The following CNBD2 variants were observed in gnomAD, a reference collection of about 807,000 sequenced individuals.
CNBD2 encodes the protein cyclic nucleotide-binding domain-containing protein 2.
A neutral mutation model predicts 63.7 loss-of-function variants in CNBD2; 64 were observed. That is an observed-to-expected ratio of 1.00 (90% CI 0.82 to 1.24). The LOEUF (loss-of-function observed/expected upper bound fraction) is 1.24, where lower values mean the gene tolerates loss of function less well. Ranked by LOEUF, CNBD2 falls within the 50% of genes most tolerant of loss-of-function variation. CNBD2 has a pLI of 0.00. For missense variants in CNBD2, 691 were observed against 713.5 expected (o/e 0.97, Z 0.36); for synonymous variants, 229 against 255.4 (o/e 0.90, Z 0.99).
At chr20:35,979,402 A>G (rs751419956) in intron 3 of CNBD2, among the ~76,000 whole-genome samples, 30 of 152,200 alleles carry the variant, frequency 2.0e-4, no homozygotes, top group Non-Finnish European at 4.4e-5. Context: ...TTGTAACCTA[A>G]TTACCTCTTA....
intron 2 of CNBD2, among the ~76,000 whole-genome samples, chr20:35,960,928 G>A (rs866340682): frequency 6.1e-5 from 8 of 130,468 alleles, no homozygotes; most frequent in East Asian, 2.2e-4. Context: ...TTGCTCTGTC[G>A]CCACCCCCCT....
chr20:36,014,509 T>A (rs1008207976), intron 10 of CNBD2, among the ~76,000 whole-genome samples: 1 of 152,032 alleles, frequency 6.6e-6, no homozygotes, highest in African/African-American at 2.4e-5. Flanking sequence ...TTTTGTATTT[T>A]TAGTAGAGAC....
At chr20:36,003,881 A>C (rs936475775) in intron 8 of CNBD2, among the ~76,000 whole-genome samples, 2 of 151,850 alleles carry the variant, frequency 1.3e-5, no homozygotes, top group Non-Finnish European at 2.9e-5. Context: ...TCTGAAAAAA[A>C]AAAAAAAATC....
chr20:35,983,987 G>A lies in CNBD2; in HGVS notation c.413G>A (p.Gly138Asp). Residue 138 changes from glycine to aspartate, a missense_variant, in exon 5 of 12, where the codon GGT (glycine) becomes GAT (aspartate). Physicochemically the swap from Gly to Asp is moderately conservative, Grantham distance 94 (BLOSUM62 -1). Coordinates refer to ENST00000373973, the MANE Select transcript of CNBD2 (RefSeq NM_001365709.1). ...LAKVMRFERF[G>D]RRRVIIKKGQ... is the part of the protein sequence containing the mutation. Reference sequence around the variant, plus strand: ...TAGCAGTGGTCTTTTCCCAGGTTTGGTCGCAGGCGTGTGATCATCAAGAAG... The same window carrying A: ...TAGCAGTGGTCTTTTCCCAGGTTTGATCGCAGGCGTGTGATCATCAAGAAG... The A allele has an allele frequency of 6.2e-7, 1 of 1,614,200 alleles. No homozygotes were observed. The highest frequency in any genetic ancestry group is 1.1e-5 in the South Asian group (1 of 91,076).
rs370659286 is a variant in CNBD2 at position 35,995,003 on chromosome 20, G to T, written c.856-35G>T. 8.1e-6 allele frequency: 12 copies of T among 1,484,418 alleles called. No homozygotes were observed. The African/African-American group carries it at 1.7e-4, about 21-fold the overall frequency. The allele number at this position is 1,484,418 out of a possible 1,614,324, so 92.0% of individuals were successfully genotyped here. A position where few individuals can be genotyped will look rare whatever the true frequency, so the allele number is the denominator to read the frequency against. On this transcript the variant is annotated intron_variant, in intron 7 of 11. Transcript: ENST00000373973. ...GCCTGGCCTACCTGGAGCCTTAGGG[G>T]TTAACCCTTTTCCTATGTCCCTTGC...
intron 4 of CNBD2, 107 bp from the exon 5 acceptor site, chr20:35,983,875 T>G (rs1287940670): frequency 7.5e-7 from 1 of 1,332,386 alleles, no homozygotes; most frequent in Non-Finnish European, 1.1e-6. Flanking sequence ...GGTCCAAGTC[T>G]GTGCTCTTAT....
At chr20:36,026,289 G>A (rs536204555) in intron 11 of CNBD2, among the ~76,000 whole-genome samples, 58 of 151,988 alleles carry the variant, frequency 3.8e-4, no homozygotes, top group Non-Finnish European at 7.9e-4. Flanking sequence ...CACCCACCTT[G>A]GCCTCCCAAA....
chr20:36,026,226 G>A (rs975277428), intron 11 of CNBD2, among the ~76,000 whole-genome samples: 4 of 152,018 alleles, frequency 2.6e-5, no homozygotes, highest in Non-Finnish European at 5.9e-5. Context: ...TGGTAGAGAC[G>A]GGGTTTTGCC....
At chr20:36,002,051 G>A (rs2056918258) in intron 8 of CNBD2, among the ~76,000 whole-genome samples, 1 of 152,224 alleles carries the variant, frequency 6.6e-6, no homozygotes, top group Admixed American at 6.5e-5. Flanking sequence ...CAGGCGGCTG[G>A]GTGGTGGAGG....
At chr20:35,959,870 G>C (rs549033785), downstream of CNBD2, among the ~76,000 whole-genome samples, 1 of 152,310 alleles carries the variant, frequency 6.6e-6, no homozygotes, top group East Asian at 1.9e-4. Context: ...GGAAGGATGT[G>C]ATCAGATTTG....
downstream of CNBD2, chr20:35,959,060 AC>A (rs1249164146): frequency 6.6e-6 from 1 of 152,216 alleles, no homozygotes; most frequent in African/African-American, 2.4e-5. Context: ...TTGAGCTGTT[AC>A]AAATAGAACT....
At chr20:35,954,532 C>T (rs34688876), upstream of CNBD2, 72 of 1,517,222 alleles carry the variant, frequency 4.7e-5, no homozygotes, top group East Asian at 1.8e-3. Context: ...CACCCGGAAG[C>T]CGCTTGCGGG....
chr20:35,979,855 G>C lies in CNBD2; in HGVS notation c.244-604G>C, dbSNP rs80059816. Among the ~76,000 whole-genome samples, 812 of 152,340 alleles carry C rather than the reference G, an allele frequency of 5.3e-3. 5 individuals carry two copies. Among genetic ancestry groups the C allele is most frequent in the African/African-American group, 0.019 (785 of 41,574 alleles). ...GGGACAGGTAGAAAGTTCCAGAGTA[G>C]AGAACAAAGGGGAGAGGTAGGAGAT... On this transcript the variant is annotated intron_variant, in intron 3 of 11. Transcript: ENST00000373973.
At chr20:35,971,785 T>C (rs1044353245) in intron 1 of CNBD2, among the ~76,000 whole-genome samples, 3 of 152,224 alleles carry the variant, frequency 2.0e-5, no homozygotes, top group Admixed American at 2.0e-4. Context: ...GGTATGTCTC[T>C]TGAATCTTTA....
intron 10 of CNBD2, among the ~76,000 whole-genome samples, chr20:36,015,833 T>G (rs2057125521): frequency 6.6e-6 from 1 of 152,222 alleles, no homozygotes; most frequent in Admixed American, 6.5e-5. Context: ...GCAGAATAAA[T>G]TTCAAGCAAT....
At chr20:35,971,842 G>C (rs1258409876) in intron 1 of CNBD2, among the ~76,000 whole-genome samples, 2 of 152,066 alleles carry the variant, frequency 1.3e-5, no homozygotes, top group African/African-American at 4.8e-5. Context: ...TCATGAAATT[G>C]ACTTTTTGAA....
At chr20:35,981,448 A>C (rs555440302) in intron 4 of CNBD2, among the ~76,000 whole-genome samples, 1 of 151,608 alleles carries the variant, frequency 6.6e-6, no homozygotes, top group East Asian at 1.9e-4. Context: ...TATTATTATT[A>C]TTTTTTGAGA....
At chr20:35,989,760 G>T (rs918099269) in intron 7 of CNBD2, among the ~76,000 whole-genome samples, 3 of 151,836 alleles carry the variant, frequency 2.0e-5, no homozygotes, top group African/African-American at 4.8e-5. Flanking sequence ...TAGTCTTAAC[G>T]ACTCAGGAGA....
At chr20:35,974,836 C>T (rs1033004078) in intron 2 of CNBD2, 39 of 152,318 alleles carry the variant, frequency 2.6e-4, no homozygotes, top group African/African-American at 9.4e-4. Flanking sequence ...GATCCTTGGG[C>T]AAGTTCCTTC....
Sources: gnomAD v4.1 joint callset for allele counts (sites outside exome capture counted in the v4.1 genomes callset) on GRCh38, gnomAD v4.1.1 for gene constraint, MANE v1.5 for transcripts, NCBI Gene and HGNC (gene_info 2026-07-23, HGNC 2026-07-21) for gene names.